EPHB3: variants seen among roughly 807,000 people sequenced by gnomAD.
The protein encoded by EPHB3 is EPH receptor B3, also known as ephrin type-B receptor 3.
In EPHB3, 33 loss-of-function variants were observed where a neutral mutation model predicts 100.2. The observed-to-expected ratio is 0.33, with a 90% CI of 0.25 to 0.44. EPHB3 has a LOEUF of 0.44. Ranked by LOEUF, EPHB3 falls within the 20% of genes least tolerant of loss-of-function variation. The probability of loss-of-function intolerance (pLI) is 1.00; values close to 1 mark genes in which losing one functional copy is unlikely to be tolerated. For missense variants in EPHB3, 1,045 were observed against 1,378.3 expected, an observed-to-expected ratio of 0.76 and a Z score of 3.83; for synonymous variants, 526 against 554.7, an observed-to-expected ratio of 0.95 and a Z score of 0.73.
chr3:184,571,232 G>A lies in EPHB3; in HGVS notation c.119-86G>A. On this transcript the variant is annotated intron_variant, in intron 1 of 15. Coordinates refer to ENST00000330394, the MANE Select transcript of EPHB3 (RefSeq NM_004443.4). This position sits in a 1 kb window ranked among gnomAD's most constrained non-coding sequence, Gnocchi z 5.0. ...GACTCCCAAAGTGCTGGGATTACAG[G>A]TGTGAGCCACTTCGCTCATCTGTGA... 2 of 1,385,134 alleles carry A rather than the reference G, an allele frequency of 1.4e-6. No homozygotes were observed. Among genetic ancestry groups the A allele is most frequent in the Non-Finnish European group, 1.0e-6 (1 of 975,656 alleles). The allele number at this position is 1,385,134 out of a possible 1,614,324, so 85.8% of individuals were successfully genotyped here.
In EPHB3 at chr3:184,568,820, A is replaced by G. The variant is rs1714462236; in HGVS notation, c.119-2498A>G. Among the ~76,000 whole-genome samples the G allele has an allele frequency of 1.3e-5, 2 of 152,314 alleles. 1 individual carries two copies. Among genetic ancestry groups the G allele is most frequent in the African/African-American group, 4.8e-5 (2 of 41,572 alleles). On this transcript the variant is annotated intron_variant, in intron 1 of 15. Transcript: ENST00000330394. ...CGAAACCCAAGTCCTCTCTTCATTA[A>G]TGGGAAAAATGTGGCGAGATTGAGC...
intron 14 of EPHB3, 25 bp from the exon 15 acceptor site, chr3:184,581,228 C>A: frequency 6.2e-7 from 1 of 1,600,706 alleles, no homozygotes; most frequent in African/African-American, 1.3e-5. Flanking sequence ...TCAAGACTCA[C>A]CAGGTCCTTC....
rs954767691 is a variant in EPHB3 at position 184,569,636 on chromosome 3, C to T, written c.119-1682C>T. On this transcript the variant is annotated intron_variant, in intron 1 of 15. Transcript: ENST00000330394. The surrounding 1 kb of genome is among the most constrained non-coding windows in gnomAD (Gnocchi z 5.4). Reference sequence around the variant, plus strand: ...CTCAGGGGACCAGGGGCTGCGGCAGCGGGAGGAGCCTCCCTCCCTGCAGTG... The same window carrying T: ...CTCAGGGGACCAGGGGCTGCGGCAGTGGGAGGAGCCTCCCTCCCTGCAGTG... Among the ~76,000 whole-genome samples the T allele has an allele frequency of 6.6e-6, 1 of 152,244 alleles. No homozygotes were observed. The highest frequency in any genetic ancestry group is 1.5e-5 in the Non-Finnish European group (1 of 68,042).
intron 3 of EPHB3, among the ~76,000 whole-genome samples, chr3:184,574,105 G>A (rs1714612504): frequency 6.6e-6 from 1 of 152,166 alleles, no homozygotes; most frequent in Admixed American, 6.5e-5. Flanking sequence ...CTGTAGCGAG[G>A]CTTCTTATGT....
At chr3:184,568,544 G>A (rs1294232839) in intron 1 of EPHB3, among the ~76,000 whole-genome samples, 3 of 152,252 alleles carry the variant, frequency 2.0e-5, no homozygotes, top group South Asian at 4.1e-4. Context: ...CACAGAAAAG[G>A]TGGGCTGGGT....
At chr3:184,575,435 G>A (rs1035773245) in intron 3 of EPHB3, among the ~76,000 whole-genome samples, 2 of 152,112 alleles carry the variant, frequency 1.3e-5, no homozygotes, top group Non-Finnish European at 2.9e-5. Flanking sequence ...CTGGAGCCTC[G>A]GGGAGAGGTG....
chr3:184,562,279 G>T lies in EPHB3; in HGVS notation c.44G>T (p.Gly15Val). The change falls in exon 1 of 16, where the codon GGG becomes GTG. Residue 15 changes from glycine to valine, a missense_variant. Transcript: ENST00000330394. The surrounding 1 kb of genome is among the most constrained non-coding windows in gnomAD (Gnocchi z 4.8). The stretch of plus-strand genomic sequence containing the variant: ...CCGCCGCCGCCGTCGCCGCCGCCGG[G>T]GCTTCTGCCGCTGCTCCCTCCGCTG... ...RPPPPPSPPPGLLPLLPPLLL... is the reference protein window; with the variant it reads ...RPPPPPSPPPVLLPLLPPLLL... The T allele has an allele frequency of 8.2e-7, 1 of 1,216,174 alleles. No individual in the cohort carries two copies. Among genetic ancestry groups the T allele is most frequent in the Non-Finnish European group, 1.0e-6 (1 of 972,436 alleles). The allele number at this position is 1,216,174 out of a possible 1,614,324, so 75.3% of individuals were successfully genotyped here.
chr3:184,576,143 G>A (rs1454577624), intron 4 of EPHB3, among the ~76,000 whole-genome samples, 158 bp downstream of exon 4: 1 of 152,210 alleles, frequency 6.6e-6, no homozygotes, highest in Non-Finnish European at 1.5e-5. Context: ...ACAACTGGGA[G>A]GTGACTGCCC....
At position 184,579,848 on chromosome 3, in the gene EPHB3, C is replaced by T. The variant is rs1475104653; in HGVS notation, c.2086C>T (p.Arg696Trp). Residue 696 changes from arginine to tryptophan, a missense_variant, in exon 11 of 16, where the codon CGG becomes TGG. By Grantham distance (101) the Arg-to-Trp change is moderately radical. Around this residue, in one of 2 missense-constraint regions of EPHB3, gnomAD observed 985 missense variants for 1,331.1 expected, o/e 0.74. Coordinates refer to ENST00000330394, the MANE Select transcript of EPHB3 (RefSeq NM_004443.4). The surrounding 1 kb of genome is among the most constrained non-coding windows in gnomAD (Gnocchi z 5.2). Reference protein sequence around the residue: ...MGQFDHPNIIRLEGVVTKSRP... With the variant: ...MGQFDHPNIIWLEGVVTKSRP... ...TCAGTTTGATCACCCCAATATAATC[C>T]GGCTCGAGGGCGTGGTCACCAAAAG... is the stretch of plus-strand genomic sequence containing the variant. 7 of 1,613,692 alleles carry T rather than the reference C, an allele frequency of 4.3e-6. No individual in the cohort carries two copies. Among genetic ancestry groups the T allele is most frequent in the Non-Finnish European group, 5.9e-6 (7 of 1,179,954 alleles).
Position 184,579,410 on chromosome 3 carries a change from G to A in EPHB3, c.1802-67G>A. On this transcript the variant is annotated intron_variant, in intron 9 of 15. Coordinates refer to ENST00000330394, the MANE Select transcript of EPHB3 (RefSeq NM_004443.4). This position sits in a 1 kb window ranked among gnomAD's most constrained non-coding sequence, Gnocchi z 5.2. ...TGGGCTCAGCAGGGAGCCTGCTGGA[G>A]CTGTGCCCATCGCAGGGAGAGGCTG... is the stretch of plus-strand genomic sequence containing the variant. The A allele has an allele frequency of 1.3e-6, 2 of 1,588,444 alleles. No homozygotes were observed. Among genetic ancestry groups the A allele is most frequent in the East Asian group, 4.5e-5 (2 of 44,408 alleles).
Position 184,571,442 on chromosome 3 carries a change from A to C in EPHB3, c.183+60A>C. On this transcript the variant is annotated intron_variant, in intron 2 of 15. Transcript: ENST00000330394. The surrounding 1 kb of genome is among the most constrained non-coding windows in gnomAD (Gnocchi z 5.0). ...TGCCATTAGGCCTCCCCCCACTTCC[A>C]GCCTCCGTGCCCCCTCATCTCACCA... 7 of 1,583,440 alleles carry C rather than the reference A, an allele frequency of 4.4e-6. No individual in the cohort carries two copies. Among genetic ancestry groups the C allele is most frequent in the Non-Finnish European group, 6.1e-6 (7 of 1,154,302 alleles).
chr3:184,568,950 TC>T (rs1553780145), intron 1 of EPHB3, among the ~76,000 whole-genome samples: 1 of 146,436 alleles, frequency 6.8e-6, no homozygotes, highest in Non-Finnish European at 1.5e-5. Flanking sequence ...CCTCCCTCGC[TC>T]CCTCCCTCCT....
intron 1 of EPHB3, among the ~76,000 whole-genome samples, chr3:184,567,494 T>G (rs926978602): frequency 1.3e-5 from 2 of 151,826 alleles, no homozygotes; most frequent in Non-Finnish European, 2.9e-5. Flanking sequence ...TGTGTGTGTG[T>G]GTGTGTGTGT....
At chr3:184,568,495 ACACACACGTG>A (rs1714452003) in intron 1 of EPHB3, among the ~76,000 whole-genome samples, 1 of 152,276 alleles carries the variant, frequency 6.6e-6, no homozygotes, top group Admixed American at 6.5e-5. Flanking sequence ...CAACACACGT[ACACACACGTG>A]CACACACATG....
In EPHB3 at chr3:184,581,215, C is replaced by T. The variant is rs77129747; in HGVS notation, c.2733-38C>T. ...GCCAAGCCAGTAGCCCTATCTCCCA[C>T]CTTCAAGACTCACCAGGTCCTTCTC... On this transcript the variant is annotated intron_variant, in intron 14 of 15. Transcript: ENST00000330394. 1.7e-3 allele frequency: 2,669 copies of T among 1,604,978 alleles called. 27 individuals carry two copies. In the African/African-American group the frequency reaches 0.031, roughly 18 times the overall value.
chr3:184,576,324 C>T (rs1489842910), intron 4 of EPHB3, among the ~76,000 whole-genome samples: 3 of 151,964 alleles, frequency 2.0e-5, no homozygotes, highest in Non-Finnish European at 4.4e-5. Flanking sequence ...AGTCCGTTGC[C>T]CCTCCGTCTG....
At chr3:184,568,524 GCA>G (rs1006026768) in intron 1 of EPHB3, among the ~76,000 whole-genome samples, 1 of 152,050 alleles carries the variant, frequency 6.6e-6, no homozygotes, top group Admixed American at 6.5e-5. Context: ...TGCACACGCC[GCA>G]CACACAGCAC....
In EPHB3 at chr3:184,572,035, G is replaced by A. The variant is rs115362916; in HGVS notation, c.184-469G>A. ...TGGAGCTGTTGTGAAGATTGAATGC[G>A]ATGTTGATAGTGACAGCCAGTAGCC... On this transcript the variant is annotated intron_variant, in intron 2 of 15. Coordinates refer to ENST00000330394, the MANE Select transcript of EPHB3 (RefSeq NM_004443.4). This position sits in a 1 kb window ranked among gnomAD's most constrained non-coding sequence, Gnocchi z 6.6. 3.3e-3 allele frequency among the ~76,000 whole-genome samples: 504 copies of A among 152,298 alleles called. 1 individual carries two copies. The highest frequency in any genetic ancestry group is 6.7e-3 in the Admixed American group (102 of 15,312).
Position 184,562,301 on chromosome 3 carries a change from G to A in EPHB3, c.66G>A (p.Pro22=), listed in dbSNP as rs1285104319. 1.6e-6 allele frequency: 2 copies of A among 1,228,740 alleles called. No homozygotes were observed. Among genetic ancestry groups the A allele is most frequent in the Admixed American group, 4.0e-5 (1 of 24,996 alleles). The allele number at this position is 1,228,740 out of a possible 1,614,324, so 76.1% of individuals were successfully genotyped here. The change falls in exon 1 of 16, where the codon CCG becomes CCA. Residue 22 remains proline, a synonymous_variant. Coordinates refer to ENST00000330394, the MANE Select transcript of EPHB3 (RefSeq NM_004443.4). This position sits in a 1 kb window ranked among gnomAD's most constrained non-coding sequence, Gnocchi z 4.8. ...PPPGLLPLLP[P]LLLLPLLLLP... ...CGGGGCTTCTGCCGCTGCTCCCTCC[G>A]CTGCTGCTGCTGCCGCTGCTGCTGC...
Sources: allele counts gnomAD v4.1 joint callset (sites outside exome capture counted in the v4.1 genomes callset), GRCh38; gene constraint gnomAD v4.1.1; regional missense constraint gnomAD v4.1.1; non-coding constraint Gnocchi (gnomAD v3.1); transcripts MANE v1.5; gene names NCBI Gene and HGNC (gene_info 2026-07-23, HGNC 2026-07-21).